IL18R1: variants seen among roughly 807,000 people sequenced by gnomAD.
The protein encoded by IL18R1 is interleukin-18 receptor 1.
IL18R1 carries 40 observed loss-of-function variants against 48.5 expected under a neutral mutation model. The ratio of observed to expected loss-of-function variants is 0.82; its 90% CI spans 0.64 to 1.07. The LOEUF is 1.07. Among genes scored for constraint, IL18R1 ranks in the 50% least tolerant of loss-of-function variants. The probability of loss-of-function intolerance (pLI) is 0.00; values close to 1 mark genes in which losing one functional copy is unlikely to be tolerated. For synonymous variants in IL18R1, 232 were observed against 225.9 expected (o/e 1.03, Z -0.24); for missense variants, 596 against 633.7 (o/e 0.94, Z 0.64).
At chr2:102,380,990 T>C (rs1679886619) in intron 5 of IL18R1, among the ~76,000 whole-genome samples, 1 of 152,156 alleles carries the variant, frequency 6.6e-6, no homozygotes, top group Non-Finnish European at 1.5e-5. Flanking sequence ...GGTGATGACT[T>C]ACTTCCCAAG....
intron 4 of IL18R1, among the ~76,000 whole-genome samples, chr2:102,374,932 A>G (rs886967898): frequency 6.6e-5 from 10 of 152,228 alleles, no homozygotes; most frequent in African/African-American, 2.2e-4. Flanking sequence ...CTAATTCAGT[A>G]GATAATTGAT....
At chr2:102,396,321 C>A (rs10174323) in intron 10 of IL18R1, among the ~76,000 whole-genome samples, 32,862 of 151,892 alleles carry the variant, frequency 0.22, 4,028 homozygotes, top group African/African-American at 0.33. Flanking sequence ...AGGTATGGTA[C>A]ATAATAAGTG....
chr2:102,370,625 G>A (rs1250713872), intron 3 of IL18R1, among the ~76,000 whole-genome samples: 2 of 152,230 alleles, frequency 1.3e-5, no homozygotes, highest in African/African-American at 4.8e-5. Context: ...GTGTAGAATT[G>A]TGCAGAGCAC....
intron 3 of IL18R1, 136 bp downstream of exon 3, chr2:102,368,204 A>G: frequency 1.0e-6 from 1 of 988,952 alleles, no homozygotes; most frequent in Non-Finnish European, 1.5e-6. Context: ...GACATGAAAT[A>G]CATTCTTTGT....
At chr2:102,370,539 C>A (rs1298807612) in intron 3 of IL18R1, among the ~76,000 whole-genome samples, 1 of 152,220 alleles carries the variant, frequency 6.6e-6, no homozygotes, top group Non-Finnish European at 1.5e-5. Context: ...AACAGCCTGC[C>A]ACATTCTCCA....
intron 1 of IL18R1, among the ~76,000 whole-genome samples, chr2:102,361,690 T>C (rs1331262794): frequency 1.3e-5 from 2 of 152,192 alleles, no homozygotes; most frequent in Non-Finnish European, 2.9e-5. Flanking sequence ...CCCAGGTTTG[T>C]GTGTTTCTGA....
chr2:102,394,002 G>A (rs1028858620), intron 9 of IL18R1, among the ~76,000 whole-genome samples: 4 of 152,042 alleles, frequency 2.6e-5, no homozygotes, highest in African/African-American at 9.7e-5. Context: ...AAGAGAGAGT[G>A]GTATCATGTT....
Position 102,372,120 on chromosome 2 carries a change from T to TA in IL18R1, c.468+4dup. 6.4e-7 allele frequency: 1 copy of TA among 1,572,460 alleles called. No homozygotes were observed. Among genetic ancestry groups the TA allele is most frequent in the South Asian group, 1.2e-5 (1 of 83,780 alleles). ...GTCAACAGCACATCATTGTATAAGG[T>TA]AATGCTTTTATAATATTTTAACTTT... On this transcript the variant is annotated splice_region_variant and intron_variant, in intron 4 of 10. Transcript: ENST00000233957.
chr2:102,396,953 C>A lies in IL18R1; in HGVS notation c.*67C>A. On this transcript the variant is annotated 3_prime_UTR_variant, in exon 11 of 11. Coordinates refer to ENST00000233957, the MANE Select transcript of IL18R1 (RefSeq NM_003855.5). Reference sequence around the variant, plus strand: ...TGGGGACTGAGCATATGAACCTGTTCATAACAAAGGCTGTGACTCGAAATA... The same window carrying A: ...TGGGGACTGAGCATATGAACCTGTTAATAACAAAGGCTGTGACTCGAAATA... The A allele has an allele frequency of 1.1e-6, 1 of 909,194 alleles. No homozygotes were observed. Among genetic ancestry groups the A allele is most frequent in the South Asian group, 1.7e-5 (1 of 58,744 alleles). 56.3% of individuals were successfully genotyped at this position (909,194 alleles called of 1,614,324 possible). A position where few individuals can be genotyped will look rare whatever the true frequency, so the allele number is the denominator to read the frequency against.
At chr2:102,379,012 C>T (rs1222919811) in intron 5 of IL18R1, among the ~76,000 whole-genome samples, 1 of 152,164 alleles carries the variant, frequency 6.6e-6, no homozygotes, top group Non-Finnish European at 1.5e-5. Context: ...CTCTCAGCTG[C>T]TACATAGTGA....
At chr2:102,371,453 CTT>C (rs1679254884) in intron 3 of IL18R1, among the ~76,000 whole-genome samples, 1 of 152,190 alleles carries the variant, frequency 6.6e-6, no homozygotes, top group Non-Finnish European at 1.5e-5. Flanking sequence ...CAACTCCAGA[CTT>C]TGGTTTATTC....
chr2:102,356,743 A>G (rs1334109369), intron 1 of IL18R1, among the ~76,000 whole-genome samples: 2 of 152,150 alleles, frequency 1.3e-5, no homozygotes, highest in African/African-American at 4.8e-5. Context: ...GCCACATGAA[A>G]TAGGAACTAT....
chr2:102,386,988 T>C lies in IL18R1; in HGVS notation c.937T>C (p.Leu313=), dbSNP rs1447429626. 6.2e-7 allele frequency: 1 copy of C among 1,612,990 alleles called. No homozygotes were observed. Among genetic ancestry groups the C allele is most frequent in the Non-Finnish European group, 8.5e-7 (1 of 1,179,756 alleles). ...AGGCACAGACACCAAAAGCTTCATC[T>C]TGGTGAGAAAAGGTGAGAAAGATTT... ...TGGTDTKSFI[L]VRKADMADIP... Residue 313 remains leucine (L), a synonymous_variant, in exon 8 of 11, where the codon TTG becomes CTG. Transcript: ENST00000233957.
At chr2:102,379,061 C>G (rs944194220) in intron 5 of IL18R1, among the ~76,000 whole-genome samples, 2 of 152,166 alleles carry the variant, frequency 1.3e-5, no homozygotes, top group African/African-American at 4.8e-5. Flanking sequence ...CTCTCCTCCC[C>G]ATCCTAAGGG....
Position 102,356,207 on chromosome 2 carries a change from C to CT in IL18R1, c.-207dup, listed in dbSNP as rs397872910. 67,107 of 177,686 alleles carry CT rather than the reference C, an allele frequency of 0.38. 12,705 individuals carry two copies. The highest frequency in any genetic ancestry group is 0.48 in the Middle Eastern group (174 of 364). 11.0% of individuals were successfully genotyped at this position (177,686 alleles called of 1,614,324 possible). ...GTTCCTACTTTTTTTCCTTCTTCTT[C>CT]TTTTTTTTTTTTTTTGTAGCCCTCT... On this transcript the variant is annotated 5_prime_UTR_variant, in exon 1 of 11. Transcript: ENST00000233957.
At chr2:102,385,848 T>C (rs1680194031) in intron 7 of IL18R1, among the ~76,000 whole-genome samples, 1 of 152,228 alleles carries the variant, frequency 6.6e-6, no homozygotes, top group Admixed American at 6.5e-5. Context: ...TTTGTATTTC[T>C]CCCTTTGGAT....
At chr2:102,392,872 T>C (rs560327255) in intron 9 of IL18R1, among the ~76,000 whole-genome samples, 263 of 152,282 alleles carry the variant, frequency 1.7e-3, no homozygotes, top group African/African-American at 5.8e-3. Flanking sequence ...TTCCTTTTTT[T>C]GAATACTTTA....
At chr2:102,387,724 A>AAG (rs1023699861) in intron 8 of IL18R1, among the ~76,000 whole-genome samples, 12 of 152,140 alleles carry the variant, frequency 7.9e-5, no homozygotes, top group African/African-American at 2.9e-4. Flanking sequence ...CAAGATCTGC[A>AAG]AGAGAGAGAG....
chr2:102,374,686 G>A (rs1041803365), intron 4 of IL18R1, among the ~76,000 whole-genome samples: 5 of 151,992 alleles, frequency 3.3e-5, no homozygotes, highest in African/African-American at 1.2e-4. Flanking sequence ...GCTGAGGAAG[G>A]AGAATCACTT....
Sources: allele counts gnomAD v4.1 joint callset (sites outside exome capture counted in the v4.1 genomes callset), GRCh38; gene constraint gnomAD v4.1.1; transcripts MANE v1.5; gene names NCBI Gene and HGNC (gene_info 2026-07-23, HGNC 2026-07-21).